EPB41: variants seen among roughly 807,000 people sequenced by gnomAD.
The protein encoded by EPB41 is erythrocyte membrane protein band 4.1, also known as protein 4.1.
A neutral mutation model predicts 108.0 loss-of-function variants in EPB41; 65 were observed. That is an observed-to-expected ratio of 0.60 (90% CI 0.49 to 0.74). The LOEUF (loss-of-function observed/expected upper bound fraction) is 0.74. Ranked by LOEUF, EPB41 falls within the 30% of genes least tolerant of loss-of-function variation. The probability of loss-of-function intolerance (pLI) is 0.00; values close to 1 mark genes in which losing one functional copy is unlikely to be tolerated. For missense variants in EPB41, 875 were observed against 1,037.0 expected (o/e 0.84, Z 2.15); for synonymous variants, 336 against 358.9 (o/e 0.94, Z 0.72).
chr1:29,113,724 A>G (rs1170692445), intron 19 of EPB41, among the ~76,000 whole-genome samples: 1 of 152,212 alleles, frequency 6.6e-6, no homozygotes, highest in Non-Finnish European at 1.5e-5. Context: ...TAAAATAAGG[A>G]TGATCACAGG....
At chr1:28,955,365 C>T (rs1458727867) in intron 1 of EPB41, among the ~76,000 whole-genome samples, 3 of 150,666 alleles carry the variant, frequency 2.0e-5, no homozygotes, top group East Asian at 3.9e-4. Flanking sequence ...TTTTTTGAGA[C>T]GGAATCTTAC....
intron 11 of EPB41, among the ~76,000 whole-genome samples, chr1:29,043,762 G>C (rs907225575): frequency 2.0e-5 from 3 of 152,158 alleles, no homozygotes; most frequent in Non-Finnish European, 4.4e-5. Flanking sequence ...TTAAAAGATC[G>C]CTGACAGCTG....
chr1:29,098,072 C>T, intron 17 of EPB41, 137 bp downstream of exon 17: 1 of 1,281,536 alleles, frequency 7.8e-7, no homozygotes, highest in Non-Finnish European at 1.1e-6. Flanking sequence ...GATTACTGGT[C>T]TAAGAAGGTC....
chr1:28,995,477 G>A (rs1016886010), intron 3 of EPB41, among the ~76,000 whole-genome samples: 1 of 152,104 alleles, frequency 6.6e-6, no homozygotes, highest in Non-Finnish European at 1.5e-5. Context: ...CAGGAGAATC[G>A]CTTGAACCCA....
chr1:28,925,833 C>T (rs1011432033), intron 1 of EPB41, among the ~76,000 whole-genome samples: 1 of 151,964 alleles, frequency 6.6e-6, no homozygotes, highest in African/African-American at 2.4e-5. Context: ...TATTTGGAGA[C>T]GGGAGTTCTT....
At chr1:28,951,168 A>C (rs942699452) in intron 1 of EPB41, among the ~76,000 whole-genome samples, 10 of 152,132 alleles carry the variant, frequency 6.6e-5, no homozygotes, top group Non-Finnish European at 8.8e-5. Context: ...AGGTGAAGAT[A>C]TATAACCCTC....
chr1:28,923,111 CTTTT>C (rs1226949675), intron 1 of EPB41, among the ~76,000 whole-genome samples: 2 of 60,614 alleles, frequency 3.3e-5, no homozygotes, highest in South Asian at 7.7e-4. Flanking sequence ...CTTTTCTTTT[CTTTT>C]TTTTTTTTTT....
intron 1 of EPB41, among the ~76,000 whole-genome samples, chr1:28,978,486 T>C (rs2095659973): frequency 6.6e-6 from 1 of 151,472 alleles, no homozygotes; most frequent in South Asian, 2.1e-4. Flanking sequence ...TTAAATATGG[T>C]TTAAGGAGAT....
chr1:28,889,098 C>A (rs2089809449), intron 1 of EPB41, among the ~76,000 whole-genome samples: 1 of 152,208 alleles, frequency 6.6e-6, no homozygotes, highest in East Asian at 1.9e-4. Flanking sequence ...TTCCACTTTC[C>A]TGCTGTGTGA....
chr1:29,083,194 A>G (rs1402426046), intron 16 of EPB41, among the ~76,000 whole-genome samples: 3 of 151,854 alleles, frequency 2.0e-5, no homozygotes, highest in Admixed American at 2.0e-4. Flanking sequence ...AAAAGGCGAG[A>G]GAGGGTACAT....
At chr1:28,927,993 T>C (rs1309786285) in intron 1 of EPB41, among the ~76,000 whole-genome samples, 1 of 152,152 alleles carries the variant, frequency 6.6e-6, no homozygotes, top group Admixed American at 6.6e-5. Flanking sequence ...GCTGCTTTCT[T>C]TTAATTTTCT....
intron 3 of EPB41, 91 bp downstream of exon 3, chr1:28,993,633 C>G (rs2096076339): frequency 3.0e-6 from 3 of 992,768 alleles, no homozygotes; most frequent in Non-Finnish European, 4.7e-6. Flanking sequence ...CGATAAGACT[C>G]ACTGTAGTGA....
intron 17 of EPB41, among the ~76,000 whole-genome samples, chr1:29,100,485 T>A (rs371122322): frequency 6.9e-6 from 1 of 145,136 alleles, no homozygotes; most frequent in Non-Finnish European, 1.5e-5. Flanking sequence ...AATAAATAAA[T>A]AAAATAAAAG....
At chr1:28,914,977 C>T (rs1038780917) in intron 1 of EPB41, among the ~76,000 whole-genome samples, 1 of 151,846 alleles carries the variant, frequency 6.6e-6, no homozygotes, top group African/African-American at 2.4e-5. Context: ...GAGCGAGGGG[C>T]GGGCCAGAGC....
intron 11 of EPB41, among the ~76,000 whole-genome samples, chr1:29,049,289 A>G (rs937189769): frequency 1.3e-5 from 2 of 152,202 alleles, no homozygotes; most frequent in African/African-American, 2.4e-5. Context: ...AATACTAGCA[A>G]CTTAGTCAAT....
rs776047007 is a variant in EPB41 at position 29,070,547 on chromosome 1, C to T, written c.2184+5389C>T. On this transcript the variant is annotated intron_variant, in intron 16 of 20. Coordinates refer to ENST00000343067, the MANE Select transcript of EPB41 (RefSeq NM_001376013.1). ...CTACTTTAGTACTTTTCCATCTCCT[C>T]GTATTCCTTTCATGATGTCTTTTCT... The T allele has an allele frequency of 1.5e-4, 183 of 1,232,020 alleles. No homozygotes were observed. The highest frequency in any genetic ancestry group is 1.8e-4 in the Non-Finnish European group (180 of 987,964). 76.3% of individuals were successfully genotyped at this position (1,232,020 alleles called of 1,614,324 possible).
At chr1:29,078,641 G>A (rs572771916) in intron 16 of EPB41, among the ~76,000 whole-genome samples, 4 of 152,176 alleles carry the variant, frequency 2.6e-5, no homozygotes, top group South Asian at 4.1e-4. Flanking sequence ...CCAGCTACAC[G>A]GGAGCCTGAG....
chr1:28,978,903 T>C (rs1027850800), intron 1 of EPB41, among the ~76,000 whole-genome samples: 9 of 151,382 alleles, frequency 5.9e-5, no homozygotes, highest in African/African-American at 2.2e-4. Flanking sequence ...AGTCTTGGAC[T>C]GAGCTATGCC....
chr1:28,985,586 G>A (rs1233682121), intron 1 of EPB41: 2 of 152,236 alleles, frequency 1.3e-5, no homozygotes, highest in Non-Finnish European at 2.9e-5. Flanking sequence ...CCTTCAAATA[G>A]GCAGGAGAAG....
Sources: gnomAD v4.1 joint callset for allele counts (sites outside exome capture counted in the v4.1 genomes callset) on GRCh38, gnomAD v4.1.1 for gene constraint, MANE v1.5 for transcripts, NCBI Gene and HGNC (gene_info 2026-07-23, HGNC 2026-07-21) for gene names.